The following LPP variants were observed in gnomAD, a reference collection of about 807,000 sequenced individuals.
The protein encoded by LPP is LIM domain containing preferred translocation partner in lipoma.
A neutral mutation model predicts 60.4 loss-of-function variants in LPP; 38 were observed. The observed-to-expected ratio is 0.63, with a 90% CI of 0.49 to 0.83. LPP has a LOEUF of 0.83. LPP is among the 40% of genes least tolerant of loss of function. LPP has a pLI of 0.00. For missense variants in LPP, 902 were observed against 783.6 expected (o/e 1.15, Z -1.80); for synonymous variants, 328 against 290.8 (o/e 1.13, Z -1.30).
At position 188,522,815 on chromosome 3, in the gene LPP, A is replaced by ATATATG. The variant is rs796830660; in HGVS notation, c.307-1849_307-1848insATATGT. On this transcript the variant is annotated intron_variant, in intron 5 of 11. Transcript: ENST00000617246. ...TATATATATATATATATATATATAT[A>ATATATG]TGTGTATGTGTGTGTGTATGTGTGT... Among the ~76,000 whole-genome samples the ATATATG allele has an allele frequency of 3.3e-3, 451 of 136,428 alleles. 5 individuals carry two copies. The highest frequency in any genetic ancestry group is 6.1e-3 in the African/African-American group (223 of 36,292). 89.5% of individuals were successfully genotyped at this position (136,428 alleles called of 152,430 possible).
chr3:188,866,239 A>G lies in LPP; in HGVS notation c.1450A>G (p.Met484Val). 6.3e-7 allele frequency: 1 copy of G among 1,579,438 alleles called. No homozygotes were observed. ...GTGCAATGTGTGTTCCAAGCCCATC[A>G]TGGAGCGGATTCTCCGAGCCACCGG... Reference protein sequence around the residue: ...EQCNVCSKPIMERILRATGKA... With the variant: ...EQCNVCSKPIVERILRATGKA... The change falls in exon 10 of 12, where the codon ATG (methionine) becomes GTG (valine). Residue 484 changes from methionine to valine, a missense_variant. By Grantham distance (21) the Met-to-Val change is conservative (BLOSUM62 1). Coordinates refer to ENST00000617246, the MANE Select transcript of LPP (RefSeq NM_001375462.1).
intron 9 of LPP, among the ~76,000 whole-genome samples, chr3:188,776,361 T>A (rs61416874): frequency 0.049 from 7,506 of 152,228 alleles, 559 homozygotes; most frequent in African/African-American, 0.17. Flanking sequence ...AACATTTTTT[T>A]ATGTTGAATT....
intron 3 of LPP, among the ~76,000 whole-genome samples, chr3:188,345,136 G>A (rs1763987958): frequency 6.6e-6 from 1 of 152,130 alleles, no homozygotes. Context: ...TGACTACATA[G>A]TTGTATCTTT....
intron 6 of LPP, among the ~76,000 whole-genome samples, chr3:188,564,263 G>GGTAATT (rs1560570804): frequency 6.6e-6 from 1 of 151,920 alleles, no homozygotes; most frequent in Non-Finnish European, 1.5e-5. Flanking sequence ...TGGTCCTACT[G>GGTAATT]AGGGTAATTA....
At chr3:188,805,802 A>C (rs139451716) in intron 9 of LPP, among the ~76,000 whole-genome samples, 1 of 150,990 alleles carries the variant, frequency 6.6e-6, no homozygotes, top group Admixed American at 6.6e-5. Context: ...CATTCAAGAT[A>C]TTTTCTAATG....
chr3:188,426,748 G>T (rs1789470056), intron 4 of LPP, among the ~76,000 whole-genome samples: 1 of 151,980 alleles, frequency 6.6e-6, no homozygotes, highest in Non-Finnish European at 1.5e-5. Context: ...TTTAATGTCT[G>T]TTTTATCAGA....
intron 3 of LPP, among the ~76,000 whole-genome samples, chr3:188,357,334 T>C (rs1767909921): frequency 1.3e-5 from 2 of 152,220 alleles, no homozygotes; most frequent in Non-Finnish European, 2.9e-5. Flanking sequence ...TCCTCAGGAA[T>C]CAAACTATGG....
At chr3:188,446,168 T>C (rs935496938) in intron 4 of LPP, among the ~76,000 whole-genome samples, 1 of 152,160 alleles carries the variant, frequency 6.6e-6, no homozygotes, top group Non-Finnish European at 1.5e-5. Context: ...ACCACTTAAA[T>C]GACTAGAAAC....
intron 1 of LPP, among the ~76,000 whole-genome samples, chr3:188,173,314 A>G (rs1181920988): frequency 6.6e-6 from 1 of 152,128 alleles, no homozygotes; most frequent in Non-Finnish European, 1.5e-5. Context: ...CAGCGTGGCT[A>G]ACATGGAGAA....
chr3:188,449,226 C>A (rs1394577638), intron 4 of LPP, among the ~76,000 whole-genome samples: 1 of 152,150 alleles, frequency 6.6e-6, no homozygotes, highest in Non-Finnish European at 1.5e-5. Context: ...AATATAAGAC[C>A]CCAAGCATGG....
chr3:188,736,172 T>C (rs551468724), intron 8 of LPP, among the ~76,000 whole-genome samples: 3 of 152,292 alleles, frequency 2.0e-5, no homozygotes, highest in South Asian at 2.1e-4. Context: ...GAACAGATTT[T>C]CTCTGTGCTT....
At chr3:188,586,140 AT>A (rs1464539447) in intron 6 of LPP, among the ~76,000 whole-genome samples, 1 of 152,198 alleles carries the variant, frequency 6.6e-6, no homozygotes, top group East Asian at 1.9e-4. Context: ...GAGGAAAAAA[AT>A]ATTCTTTTGT....
At chr3:188,741,850 G>A (rs565614632) in intron 8 of LPP, among the ~76,000 whole-genome samples, 3 of 151,988 alleles carry the variant, frequency 2.0e-5, no homozygotes, top group South Asian at 4.2e-4. Context: ...AAATGAAATA[G>A]CAAGTCCCAT....
chr3:188,851,606 C>T (rs999836507), intron 9 of LPP, among the ~76,000 whole-genome samples: 10 of 152,280 alleles, frequency 6.6e-5, no homozygotes, highest in African/African-American at 2.4e-4. Flanking sequence ...TCAACATGGC[C>T]ATGTCCAAAA....
chr3:188,623,220 A>G (rs1419661557), intron 7 of LPP, among the ~76,000 whole-genome samples: 1 of 151,258 alleles, frequency 6.6e-6, no homozygotes, highest in Admixed American at 6.6e-5. Flanking sequence ...GCCTTCATGG[A>G]CATTGGTTCA....
Position 188,459,141 on chromosome 3 carries a change from G to T in LPP, c.194-25451G>T, listed in dbSNP as rs1798419708. On this transcript the variant is annotated intron_variant, in intron 4 of 11. Coordinates refer to ENST00000617246, the MANE Select transcript of LPP (RefSeq NM_001375462.1). ...TTTAATTTAAAAAATACTGTAAGTG[G>T]AGCTACTGAAATAGGCCCAAGTTTA... Among the ~76,000 whole-genome samples, 3 of 152,184 alleles carry T rather than the reference G, an allele frequency of 2.0e-5. No homozygotes were observed. The South Asian group carries it at 6.2e-4, about 32-fold the overall frequency.
At chr3:188,839,656 C>T (rs1054086128) in intron 9 of LPP, among the ~76,000 whole-genome samples, 1 of 151,912 alleles carries the variant, frequency 6.6e-6, no homozygotes, top group Non-Finnish European at 1.5e-5. Flanking sequence ...GGACAGATTA[C>T]GAAGTCAGGA....
intron 4 of LPP, among the ~76,000 whole-genome samples, chr3:188,444,697 A>C (rs1439317907): frequency 1.3e-5 from 2 of 152,218 alleles, no homozygotes; most frequent in Non-Finnish European, 2.9e-5. Context: ...GTGAACAGGC[A>C]GCCTACAGAA....
In LPP at chr3:188,609,491, C is replaced by T; in HGVS notation, c.760C>T (p.Gln254Ter). 6.2e-7 allele frequency: 1 copy of T among 1,614,190 alleles called. No homozygotes were observed. Among genetic ancestry groups the T allele is most frequent in the Non-Finnish European group, 8.5e-7 (1 of 1,180,032 alleles). ...YGSGPQGYNT[Q>*]PVPVSGQCPP... ...CTCAGGGCCCCAGGGCTATAACACT[C>T]AGCCAGTTCCTGTCTCTGGGCAGTG... Residue 254 changes from glutamine to a stop codon, truncating the protein, a stop_gained, in exon 7 of 12, where the codon CAG (glutamine) becomes TAG (stop). Transcript: ENST00000617246. LOFTEE classifies it high-confidence loss of function. The surrounding 1 kb of genome is among the most constrained non-coding windows in gnomAD (Gnocchi z 6.9).
Sources: gnomAD v4.1 joint callset for allele counts (sites outside exome capture counted in the v4.1 genomes callset) on GRCh38, gnomAD v4.1.1 for gene constraint, Gnocchi (gnomAD v3.1) non-coding constraint, MANE v1.5 for transcripts, NCBI Gene and HGNC (gene_info 2026-07-23, HGNC 2026-07-21) for gene names.